DLC1: variants seen among roughly 807,000 people sequenced by gnomAD.
DLC1 encodes the protein DLC1 Rho GTPase activating protein.
A neutral mutation model predicts 140.3 loss-of-function variants in DLC1; 54 were observed. That is an observed-to-expected ratio of 0.38 (90% CI 0.31 to 0.48). The LOEUF is 0.48. Ranked by LOEUF, DLC1 falls within the 20% of genes least tolerant of loss-of-function variation. The pLI is 0.96. For missense variants in DLC1, 2,536 were observed against 1,907.0 expected, an observed-to-expected ratio of 1.33 and a Z score of -6.14; for synonymous variants, 986 against 728.1, an observed-to-expected ratio of 1.35 and a Z score of -5.70.
chr8:13,219,600 T>C (rs941453915), intron 5 of DLC1, among the ~76,000 whole-genome samples: 1 of 151,696 alleles, frequency 6.6e-6, no homozygotes. Flanking sequence ...GAAGCCCACC[T>C]TCTTCAAAAA....
intron 2 of DLC1, among the ~76,000 whole-genome samples, chr8:13,472,135 A>C (rs1264012732): frequency 6.6e-6 from 1 of 152,242 alleles, no homozygotes; most frequent in Non-Finnish European, 1.5e-5. Context: ...TTTCTCAAAT[A>C]ACAAGCGCCA....
In DLC1 at chr8:13,590,747, C is replaced by T. The variant is rs371344631; in HGVS notation, c.-126+13790G>A. Reference sequence around the variant, plus strand: ...AGCAGTGATTTTAAATAGCTTCATGCCTAATTATGCCATTATTTAAAAGTT... The same window carrying T: ...AGCAGTGATTTTAAATAGCTTCATGTCTAATTATGCCATTATTTAAAAGTT... On this transcript the variant is annotated intron_variant, in intron 1 of 1. Coordinates refer to the DLC1 transcript ENST00000631382. Among the ~76,000 whole-genome samples, 27 of 152,070 alleles carry T rather than the reference C, an allele frequency of 1.8e-4. No individual in the cohort carries two copies. The East Asian group carries it at 4.1e-3, about 23-fold the overall frequency.
chr8:13,320,590 C>T (rs1336556630), intron 4 of DLC1, among the ~76,000 whole-genome samples: 3 of 151,920 alleles, frequency 2.0e-5, no homozygotes, highest in South Asian at 2.1e-4. Flanking sequence ...ATTTGATCCC[C>T]GATGTTGGAG....
At position 13,500,080 on chromosome 8, in the gene DLC1, A is replaced by G. The variant is rs1254261399; in HGVS notation, c.-9T>C. On this transcript the variant is annotated 5_prime_UTR_variant, in exon 2 of 18. Coordinates refer to ENST00000276297, the MANE Select transcript of DLC1 (RefSeq NM_182643.3). ...CTGATAGCTACAGACATGTCATCGTAGTTTAACAACAGACAGAGAGATATA... is the reference window on the plus strand; with the variant it reads ...CTGATAGCTACAGACATGTCATCGTGGTTTAACAACAGACAGAGAGATATA... The G allele has an allele frequency of 7.5e-6, 12 of 1,605,546 alleles. No individual in the cohort carries two copies. Among genetic ancestry groups the G allele is most frequent in the Admixed American group, 1.7e-5 (1 of 59,762 alleles).
At chr8:13,317,004 G>T (rs1237381694) in intron 4 of DLC1, among the ~76,000 whole-genome samples, 1 of 152,172 alleles carries the variant, frequency 6.6e-6, no homozygotes, top group Admixed American at 6.5e-5. Flanking sequence ...CCTATGTGGA[G>T]AGTTATGTGA....
At chr8:13,329,544 A>G (rs1182020546) in intron 4 of DLC1, among the ~76,000 whole-genome samples, 1 of 152,182 alleles carries the variant, frequency 6.6e-6, no homozygotes, top group African/African-American at 2.4e-5. Context: ...CAGGGAAGCT[A>G]GAAGAAAGAA....
intron 5 of DLC1, among the ~76,000 whole-genome samples, chr8:13,255,898 T>C (rs975308500): frequency 6.6e-6 from 1 of 152,234 alleles, no homozygotes; most frequent in Non-Finnish European, 1.5e-5. Context: ...TATTGTTTAA[T>C]GTACCAGTCT....
intron 2 of DLC1, among the ~76,000 whole-genome samples, chr8:13,491,164 A>G (rs890304458): frequency 6.6e-5 from 10 of 150,790 alleles, no homozygotes; most frequent in Non-Finnish European, 3.0e-5. Flanking sequence ...GGCATCTGGC[A>G]GCAAATCTCC....
chr8:13,269,423 G>A (rs1221956627), intron 5 of DLC1, among the ~76,000 whole-genome samples: 1 of 152,066 alleles, frequency 6.6e-6, no homozygotes, highest in Non-Finnish European at 1.5e-5. Context: ...CCAACTGAAT[G>A]GCATTTCCTC....
chr8:13,354,021 C>T (rs556018587), intron 4 of DLC1, among the ~76,000 whole-genome samples: 68 of 148,062 alleles, frequency 4.6e-4, no homozygotes, highest in Middle Eastern at 3.5e-3. Context: ...CCTTTGGACT[C>T]TGCCATCCAG....
At chr8:13,094,243 A>G (rs1004618491) in intron 12 of DLC1, among the ~76,000 whole-genome samples, 5 of 152,238 alleles carry the variant, frequency 3.3e-5, no homozygotes, top group Admixed American at 2.0e-4. Context: ...ATCAGTCATT[A>G]GAGACTGGGA....
chr8:13,301,223 C>CAAAAA (rs754993209), intron 5 of DLC1, among the ~76,000 whole-genome samples: 2 of 132,524 alleles, frequency 1.5e-5, no homozygotes, highest in African/African-American at 5.5e-5. Flanking sequence ...GTCTAATAGA[C>CAAAAA]AAAAAAAAAA....
intron 4 of DLC1, among the ~76,000 whole-genome samples, chr8:13,309,837 T>C (rs1046222201): frequency 6.6e-5 from 10 of 152,172 alleles, no homozygotes; most frequent in African/African-American, 2.4e-4. Flanking sequence ...ACAATCTGAA[T>C]GTCTTGTCAA....
At chr8:13,584,435 C>A (rs1213049106) in intron 1 of DLC1, 1 of 152,512 alleles carries the variant, frequency 6.6e-6, no homozygotes, top group East Asian at 1.9e-4. Flanking sequence ...CAGTGTTGAT[C>A]ATTTCTTGGA....
At chr8:13,518,953 T>C (rs906697507), upstream of DLC1, among the ~76,000 whole-genome samples, 1 of 152,138 alleles carries the variant, frequency 6.6e-6, no homozygotes, top group African/African-American at 2.4e-5. Context: ...TACATGTGTT[T>C]TCTTTTTTTA....
intron 5 of DLC1, among the ~76,000 whole-genome samples, chr8:13,140,565 T>C (rs1289718063): frequency 6.6e-6 from 1 of 152,042 alleles, no homozygotes. Flanking sequence ...CATTTTTGTC[T>C]TTGCTTGTTG....
At chr8:13,116,238 A>G in intron 5 of DLC1, 1 of 985,474 alleles carries the variant, frequency 1.0e-6, no homozygotes, top group South Asian at 4.7e-5. Flanking sequence ...GAGGGCACGA[A>G]GTCAGTAAAT....
intron 5 of DLC1, among the ~76,000 whole-genome samples, chr8:13,262,600 C>G (rs74659275): frequency 2.0e-5 from 3 of 152,108 alleles, no homozygotes; most frequent in Non-Finnish European, 4.4e-5. Flanking sequence ...TGTCCTGGCA[C>G]TCAGGCAGGA....
chr8:13,363,097 TGTAAACATTAATGA>T (rs1307490254), intron 4 of DLC1, among the ~76,000 whole-genome samples: 37 of 152,244 alleles, frequency 2.4e-4, no homozygotes, highest in African/African-American at 8.9e-4. Context: ...TTGTGGGGGA[TGTAAACATTAATGA>T]GACAAACATC....
Sources: gnomAD v4.1 joint callset for allele counts (sites outside exome capture counted in the v4.1 genomes callset) on GRCh38, gnomAD v4.1.1 for gene constraint, MANE v1.5 for transcripts, NCBI Gene and HGNC (gene_info 2026-07-23, HGNC 2026-07-21) for gene names.